Variants in IL1RAPL1 observed in about 807,000 individuals in gnomAD.
The protein encoded by IL1RAPL1 is interleukin 1 receptor accessory protein like 1, also known as interleukin-1 receptor accessory protein-like 1.
In IL1RAPL1, 3 loss-of-function variants were observed where a neutral mutation model predicts 48.4. That is an observed-to-expected ratio of 0.06 (90% CI 0.03 to 0.16). The LOEUF is 0.16. IL1RAPL1 is among the 10% of genes least tolerant of loss of function. The pLI is 1.00. For synonymous variants in IL1RAPL1, 185 were observed against 187.7 expected (o/e 0.99, Z 0.12); for missense variants, 349 against 530.6 (o/e 0.66, Z 3.36).
intron 1 of IL1RAPL1, among the ~76,000 whole-genome samples, chrX:28,765,261 C>A (rs1936222969): frequency 9.1e-6 from 1 of 110,357 alleles, no homozygotes; most frequent in Admixed American, 9.7e-5. Flanking sequence ...ATGTAAGAAA[C>A]CTGCACGTTG....
intron 5 of IL1RAPL1, among the ~76,000 whole-genome samples, chrX:29,500,381 A>G (rs1364175701): frequency 8.9e-6 from 1 of 111,808 alleles, no homozygotes; most frequent in Non-Finnish European, 1.9e-5. Flanking sequence ...TTCTTTTATC[A>G]AACTGTGTGT....
At chrX:29,518,756 G>A (rs928234345) in intron 5 of IL1RAPL1, among the ~76,000 whole-genome samples, 3 of 111,618 alleles carry the variant, frequency 2.7e-5, no homozygotes, top group Non-Finnish European at 5.6e-5. Context: ...TGGCATTTAC[G>A]CTGAGATGCG....
At chrX:29,731,569 C>T (rs1927919783) in intron 6 of IL1RAPL1, among the ~76,000 whole-genome samples, 1 of 111,799 alleles carries the variant, frequency 8.9e-6, no homozygotes, top group East Asian at 2.8e-4. Flanking sequence ...GGGTTGATAC[C>T]CCTGCCTTTG....
intron 2 of IL1RAPL1, among the ~76,000 whole-genome samples, chrX:29,135,771 G>A (rs1191060325): frequency 8.9e-6 from 1 of 111,820 alleles, no homozygotes; most frequent in African/African-American, 3.3e-5. Flanking sequence ...TTTCACTCCC[G>A]TCACCCAGGC....
At chrX:29,685,982 C>A (rs1416133135) in intron 6 of IL1RAPL1, among the ~76,000 whole-genome samples, 1 of 105,005 alleles carries the variant, frequency 9.5e-6, no homozygotes, top group Non-Finnish European at 1.9e-5. Context: ...GAGACTCCGT[C>A]TCAAAAAAAA....
intron 5 of IL1RAPL1, among the ~76,000 whole-genome samples, chrX:29,638,929 G>A (rs1342616578): frequency 1.8e-5 from 2 of 112,270 alleles, no homozygotes; most frequent in African/African-American, 6.5e-5. Context: ...GCTCACGCCT[G>A]TAATCCCAGC....
At chrX:29,923,467 A>G (rs2147242017) in intron 8 of IL1RAPL1, among the ~76,000 whole-genome samples, 1 of 112,456 alleles carries the variant, frequency 8.9e-6, no homozygotes, top group Non-Finnish European at 1.9e-5. Context: ...TTGGTTTATG[A>G]CTGCCCTGCT....
chrX:29,622,132 C>T (rs1924481430), intron 5 of IL1RAPL1, among the ~76,000 whole-genome samples: 1 of 112,447 alleles, frequency 8.9e-6, no homozygotes, highest in Non-Finnish European at 1.9e-5. Flanking sequence ...TCTGCCAGAA[C>T]TGAATTTTAA....
intron 5 of IL1RAPL1, among the ~76,000 whole-genome samples, chrX:29,497,316 T>C (rs1037602630): frequency 9.0e-6 from 1 of 111,609 alleles, no homozygotes; most frequent in African/African-American, 3.3e-5. Context: ...GTAGCCCATA[T>C]TATAATAATT....
intron 1 of IL1RAPL1, among the ~76,000 whole-genome samples, chrX:28,671,677 G>A (rs1000958438): frequency 9.8e-5 from 11 of 112,434 alleles, no homozygotes; most frequent in African/African-American, 3.6e-4. Flanking sequence ...AGAGGTACTA[G>A]ACCAGAATCT....
rs1923866488 is a variant in IL1RAPL1 at position 29,605,550 on chromosome X, G to A, written c.704-62880G>A. 2.7e-5 allele frequency among the ~76,000 whole-genome samples: 3 copies of A among 110,826 alleles called. No homozygotes were observed. The Admixed American group carries it at 2.9e-4, about 11-fold the overall frequency. ...TAATGCCAGGATATCAGATATTAGA[G>A]GATGTTAGAGGCAAACAAATGACTG... On this transcript the variant is annotated intron_variant, in intron 5 of 10. Transcript: ENST00000378993.
chrX:28,600,756 GA>G (rs1934015165), intron 1 of IL1RAPL1, among the ~76,000 whole-genome samples: 1 of 111,606 alleles, frequency 9.0e-6, no homozygotes. Flanking sequence ...ATTTGGACTG[GA>G]GGGGAACTAG....
intron 6 of IL1RAPL1, among the ~76,000 whole-genome samples, chrX:29,734,858 A>G (rs1325235305): frequency 9.0e-6 from 1 of 111,154 alleles, no homozygotes; most frequent in African/African-American, 3.3e-5. Flanking sequence ...CCACCCCCCA[A>G]TTCCCAGGGG....
chrX:29,144,975 C>T (rs747770327), intron 2 of IL1RAPL1, among the ~76,000 whole-genome samples: 189 of 109,877 alleles, frequency 1.7e-3, no homozygotes, highest in Non-Finnish European at 3.2e-3. Context: ...GTGATCTGCC[C>T]GCCTTGACCT....
At position 29,291,222 on chromosome X, in the gene IL1RAPL1, C is replaced by T. The variant is rs762191279; in HGVS notation, c.362+8005C>T. Among the ~76,000 whole-genome samples the T allele has an allele frequency of 6.3e-5, 7 of 110,621 alleles. No individual in the cohort carries two copies. The South Asian group carries it at 2.7e-3, about 43-fold the overall frequency. ...CTAAAAAGGTATATAATTTGGCCCT[C>T]ACATAGCCAACATAAATAGTGAGAT... On this transcript the variant is annotated intron_variant, in intron 3 of 10. Coordinates refer to ENST00000378993, the MANE Select transcript of IL1RAPL1 (RefSeq NM_014271.4).
intron 2 of IL1RAPL1, among the ~76,000 whole-genome samples, chrX:29,038,160 T>C (rs1926770295): frequency 8.9e-6 from 1 of 111,949 alleles, no homozygotes; most frequent in Non-Finnish European, 1.9e-5. Flanking sequence ...TACACACATG[T>C]TGAAGTAATG....
At chrX:29,954,981 G>C in intron 10 of IL1RAPL1, 121 bp from the exon 11 acceptor site, 1 of 630,344 alleles carries the variant, frequency 1.6e-6, no homozygotes, top group East Asian at 3.2e-5. Context: ...ATTAGGAGAA[G>C]CAAGTCCCAA....
At chrX:28,652,914 T>C (rs1056238974) in intron 1 of IL1RAPL1, among the ~76,000 whole-genome samples, 1 of 110,490 alleles carries the variant, frequency 9.1e-6, no homozygotes, top group Non-Finnish European at 1.9e-5. Context: ...CAAATAAATC[T>C]AGCCTAAGTG....
intron 5 of IL1RAPL1, among the ~76,000 whole-genome samples, chrX:29,535,635 A>G (rs1921205285): frequency 8.9e-6 from 1 of 112,265 alleles, no homozygotes; most frequent in African/African-American, 3.2e-5. Context: ...TCACTTGTAC[A>G]CAAATCTTGA....
Sources: allele counts gnomAD v4.1 joint callset (sites outside exome capture counted in the v4.1 genomes callset), GRCh38; gene constraint gnomAD v4.1.1; transcripts MANE v1.5; gene names NCBI Gene and HGNC (gene_info 2026-07-23, HGNC 2026-07-21).